The following PHF20 variants were observed in gnomAD, a reference collection of about 807,000 sequenced individuals.
PHF20 encodes the protein PHD finger protein 20.
A neutral mutation model predicts 113.5 loss-of-function variants in PHF20; 23 were observed. The ratio of observed to expected loss-of-function variants is 0.20; its 90% CI spans 0.15 to 0.29. The LOEUF (loss-of-function observed/expected upper bound fraction) is 0.29. Among genes scored for constraint, PHF20 ranks in the 10% least tolerant of loss-of-function variants. The pLI, the probability that PHF20 is intolerant of heterozygous loss-of-function variation, is 1.00. For missense variants in PHF20, 943 were observed against 1,219.6 expected (o/e 0.77, Z 3.38); for synonymous variants, 434 against 457.3 (o/e 0.95, Z 0.65).
rs1292638093 is a variant in PHF20, at chr20:35,899,620, C to A, written c.1533C>A (p.Thr511=). The change falls in exon 10 of 18, where the codon ACC becomes ACA. Residue 511 remains threonine, a synonymous_variant. Transcript: ENST00000374012. ...ACAAGCCCAGCCAGGAGACCCTGAC[C>A]AGGAAGCGGGTCTCTGCCAGTTCCC... The part of the protein sequence containing the change: ...ASDKPSQETL[T]RKRVSASSPT... 1 of 1,614,036 alleles carries A rather than the reference C, an allele frequency of 6.2e-7. No individual in the cohort carries two copies. The highest frequency in any genetic ancestry group is 1.3e-5 in the African/African-American group (1 of 74,926).
chr20:35,923,509 A>G (rs2055561379), intron 13 of PHF20, among the ~76,000 whole-genome samples: 1 of 152,214 alleles, frequency 6.6e-6, no homozygotes, highest in Non-Finnish European at 1.5e-5. Context: ...TGGTTATTTT[A>G]AAATTCATAT....
chr20:35,808,950 C>T (rs1047768513), intron 2 of PHF20, among the ~76,000 whole-genome samples: 1 of 150,360 alleles, frequency 6.7e-6, no homozygotes, highest in African/African-American at 2.4e-5. Flanking sequence ...TTTCTAGGAA[C>T]AAATTTTAAA....
intron 1 of PHF20, chr20:35,800,025 T>C (rs751400381): frequency 6.6e-6 from 1 of 152,190 alleles, no homozygotes; most frequent in African/African-American, 2.4e-5. Context: ...TACACCTTTT[T>C]TTTCCATCAA....
At chr20:35,911,216 G>A (rs1485376929) in intron 10 of PHF20, among the ~76,000 whole-genome samples, 2 of 151,894 alleles carry the variant, frequency 1.3e-5, no homozygotes, top group African/African-American at 4.8e-5. Flanking sequence ...AATTTTTTCT[G>A]TATTTTTAGT....
At chr20:35,785,947 G>T (rs569678115) in intron 1 of PHF20, among the ~76,000 whole-genome samples, 3 of 149,626 alleles carry the variant, frequency 2.0e-5, no homozygotes, top group South Asian at 4.3e-4. Context: ...CAGGAGAATC[G>T]CTTGAACCCG....
At chr20:35,859,177 T>C (rs916115287) in intron 5 of PHF20, among the ~76,000 whole-genome samples, 2 of 152,188 alleles carry the variant, frequency 1.3e-5, no homozygotes, top group African/African-American at 4.8e-5. Flanking sequence ...TTTGTGATTT[T>C]GGTATCCTGT....
intron 9 of PHF20, among the ~76,000 whole-genome samples, chr20:35,872,557 C>T (rs6058339): frequency 0.94 from 143,415 of 152,310 alleles, 67,626 homozygotes; most frequent in East Asian, 1. Context: ...ATACATTTCC[C>T]ACTGAGAACT....
chr20:35,829,124 A>G lies in PHF20; in HGVS notation c.84-13449A>G, dbSNP rs559351264. On this transcript the variant is annotated intron_variant, in intron 2 of 17. Transcript: ENST00000374012. ...CATGTGAACCTCTCCATAGACATCTAGAATGTTCTCACGATGTAGCACCTG... is the reference window on the plus strand; with the variant it reads ...CATGTGAACCTCTCCATAGACATCTGGAATGTTCTCACGATGTAGCACCTG... Among the ~76,000 whole-genome samples, 8 of 152,226 alleles carry G rather than the reference A, an allele frequency of 5.3e-5. No individual in the cohort carries two copies. In the East Asian group the frequency reaches 1.5e-3, roughly 29 times the overall value.
At chr20:35,819,240 C>G (rs181948815) in intron 2 of PHF20, among the ~76,000 whole-genome samples, 3 of 152,216 alleles carry the variant, frequency 2.0e-5, no homozygotes, top group Admixed American at 1.3e-4. Context: ...CCTGCCTTCC[C>G]TATTTGCTTC....
In PHF20 at chr20:35,871,109, G is replaced by C; in HGVS notation, c.1077G>C (p.Leu359Phe). 6.2e-7 allele frequency: 1 copy of C among 1,610,968 alleles called. No individual in the cohort carries two copies. The highest frequency in any genetic ancestry group is 8.5e-7 in the Non-Finnish European group (1 of 1,179,400). The change falls in exon 8 of 18, where the codon TTG becomes TTC. Residue 359 changes from leucine to phenylalanine, a missense_variant. Transcript: ENST00000374012. ...LVDTDPLQDTLSSTKESEEGQ... is the reference protein window; with the variant it reads ...LVDTDPLQDTFSSTKESEEGQ... ...ATACGGATCCTTTGCAAGACACGTT[G>C]TCTAGTACCAAGGAATCTGAAGAAG...
At position 35,941,518 on chromosome 20, in the gene PHF20, A is replaced by G. The variant is rs200100436; in HGVS notation, c.2896+471A>G. Among the ~76,000 whole-genome samples, 2 of 152,240 alleles carry G rather than the reference A, an allele frequency of 1.3e-5. 1 individual carries two copies. The highest frequency in any genetic ancestry group is 3.8e-4 in the East Asian group (2 of 5,204). ...TTGAGAATTTGCCTGAGTCATTTGTATAGCCCTGAGTATTCCTTCCAGATA... is the reference window on the plus strand; with the variant it reads ...TTGAGAATTTGCCTGAGTCATTTGTGTAGCCCTGAGTATTCCTTCCAGATA... On this transcript the variant is annotated intron_variant, in intron 17 of 17. Transcript: ENST00000374012.
At chr20:35,872,545 T>C (rs779942639) in intron 9 of PHF20, among the ~76,000 whole-genome samples, 16 of 152,262 alleles carry the variant, frequency 1.1e-4, no homozygotes, top group Middle Eastern at 3.4e-3. Flanking sequence ...AATAATGAAA[T>C]TATACATTTC....
At chr20:35,941,593 G>A in intron 17 of PHF20, among the ~76,000 whole-genome samples, 1 of 152,116 alleles carries the variant, frequency 6.6e-6, no homozygotes, top group East Asian at 1.9e-4. Context: ...TGATGAACAT[G>A]ATCAAGTTCA....
intron 2 of PHF20, among the ~76,000 whole-genome samples, chr20:35,805,204 A>T (rs2041858858): frequency 6.6e-6 from 1 of 151,444 alleles, no homozygotes; most frequent in Non-Finnish European, 1.5e-5. Flanking sequence ...CACCCGGCCT[A>T]TTTTTATTTT....
intron 6 of PHF20, among the ~76,000 whole-genome samples, chr20:35,867,365 T>G (rs1194949932): frequency 6.6e-6 from 1 of 152,184 alleles, no homozygotes; most frequent in African/African-American, 2.4e-5. Context: ...GTTCAAGTGA[T>G]TCTTGTGCCT....
intron 6 of PHF20, among the ~76,000 whole-genome samples, chr20:35,866,419 CAG>C (rs1412715925): frequency 6.6e-6 from 1 of 152,094 alleles, no homozygotes; most frequent in East Asian, 1.9e-4. Context: ...CTTAGGAAAA[CAG>C]AGAAAATATA....
Position 35,776,260 on chromosome 20 carries a change from G to T in PHF20, c.-33+4181G>T, listed in dbSNP as rs181857564. 6.4e-4 allele frequency among the ~76,000 whole-genome samples: 97 copies of T among 152,230 alleles called. No homozygotes were observed. In the East Asian group the frequency reaches 0.018, roughly 28 times the overall value. On this transcript the variant is annotated intron_variant, in intron 1 of 17. Coordinates refer to ENST00000374012, the MANE Select transcript of PHF20 (RefSeq NM_016436.5). The stretch of plus-strand genomic sequence containing the variant: ...GAGTCTGTGATACCCCAAATCAGTG[G>T]GTCACAGGTGTTGGAATTTCCAAAG...
chr20:35,950,067 TAAAAG>T lies in PHF20; in HGVS notation c.*2449_*2453del, dbSNP rs997212537. 3.9e-5 allele frequency: 6 copies of T among 152,400 alleles called. No individual in the cohort carries two copies. Among genetic ancestry groups the T allele is most frequent in the Non-Finnish European group, 8.8e-5 (6 of 67,982 alleles). 9.4% of individuals were successfully genotyped at this position (152,400 alleles called of 1,614,324 possible). On this transcript the variant is annotated 3_prime_UTR_variant, in exon 18 of 18. Transcript: ENST00000374012. ...AGACTCCATCTCAAAAAAATAAAAA[TAAAAG>T]AAAAGAAAGAAATATGTGCACTACC...
intron 1 of PHF20, among the ~76,000 whole-genome samples, chr20:35,777,075 C>T (rs2146823185): frequency 6.6e-6 from 1 of 152,280 alleles, no homozygotes; most frequent in East Asian, 1.9e-4. Context: ...TTCTTGCTTC[C>T]ATGTCTTCTT....
Sources: allele counts gnomAD v4.1 joint callset (sites outside exome capture counted in the v4.1 genomes callset), GRCh38; gene constraint gnomAD v4.1.1; transcripts MANE v1.5; gene names NCBI Gene and HGNC (gene_info 2026-07-23, HGNC 2026-07-21).